Variants in TENM3 observed in about 807,000 individuals in gnomAD.
The protein encoded by TENM3 is teneurin transmembrane protein 3.
Under a neutral mutation model 255.1 loss-of-function variants are expected in TENM3, and 63 were observed. The observed-to-expected ratio is 0.25, with a 90% confidence interval of 0.20 to 0.30. The LOEUF (loss-of-function observed/expected upper bound fraction) is 0.30, where lower values mean the gene tolerates loss of function less well. Ranked by LOEUF, TENM3 falls within the 10% of genes least tolerant of loss-of-function variation. TENM3 has a pLI of 1.00. For missense variants in TENM3, 2,929 were observed against 3,461.1 expected, an observed-to-expected ratio of 0.85 and a Z score of 3.86; for synonymous variants, 1,306 against 1,322.3, an observed-to-expected ratio of 0.99 and a Z score of 0.27.
intron 5 of TENM3, among the ~76,000 whole-genome samples, chr4:182,648,262 G>A (rs918678550): frequency 2.7e-5 from 4 of 150,362 alleles, no homozygotes; most frequent in African/African-American, 9.7e-5. Flanking sequence ...AGCTATGCTG[G>A]GTGTTAGATG....
At chr4:181,649,029 A>G in the TENM3 span, among the ~76,000 whole-genome samples, 107 of 152,252 alleles carry the variant, frequency 7.0e-4, no homozygotes, top group African/African-American at 2.5e-3. Flanking sequence ...AAATATTGTT[A>G]TTATTATTAT....
rs545062246 is a variant in TENM3 at position 182,715,867 on chromosome 4, T to C, written c.2368+1634T>C. 1.2e-3 allele frequency among the ~76,000 whole-genome samples: 178 copies of C among 152,318 alleles called. 1 individual carries two copies. Among genetic ancestry groups the C allele is most frequent in the African/African-American group, 3.9e-3 (161 of 41,570 alleles). On this transcript the variant is annotated intron_variant, in intron 13 of 27. Transcript: ENST00000511685. ...CCGACAAGGTGCTGCAATTCTCTCCTTTAGTTTCTAGCAGACTGTTCACTG... is the reference window on the plus strand; with the variant it reads ...CCGACAAGGTGCTGCAATTCTCTCCCTTAGTTTCTAGCAGACTGTTCACTG...
At chr4:182,169,849 A>G (rs897713185) in intron 1 of TENM3, among the ~76,000 whole-genome samples, 4 of 152,044 alleles carry the variant, frequency 2.6e-5, no homozygotes, top group African/African-American at 9.7e-5. Context: ...GGTGGGAATG[A>G]ATACATCTGA....
At chr4:181,616,969 T>A in the TENM3 span, among the ~76,000 whole-genome samples, 1 of 152,168 alleles carries the variant, frequency 6.6e-6, no homozygotes, top group African/African-American at 2.4e-5. Flanking sequence ...GGGTAGCCCT[T>A]ATTCCAGTCA....
At chr4:182,240,457 C>A (rs1236509353), upstream of TENM3, among the ~76,000 whole-genome samples, 2 of 152,174 alleles carry the variant, frequency 1.3e-5, no homozygotes, top group South Asian at 2.1e-4. Context: ...GATCCCAGTC[C>A]CCTGTTAGGC....
At chr4:181,497,635 A>C in the TENM3 span, among the ~76,000 whole-genome samples, 1 of 152,192 alleles carries the variant, frequency 6.6e-6, no homozygotes, top group Non-Finnish European at 1.5e-5. Flanking sequence ...AAGAAAAAGG[A>C]ATCAGGAAAC....
the TENM3 span, among the ~76,000 whole-genome samples, chr4:182,064,859 A>G: frequency 2.6e-5 from 4 of 152,148 alleles, no homozygotes; most frequent in Non-Finnish European, 5.9e-5. Flanking sequence ...AACTCCCTAC[A>G]AAATTCCTTC....
intron 3 of TENM3, among the ~76,000 whole-genome samples, chr4:182,402,522 C>T (rs146320827): frequency 6.4e-4 from 98 of 152,256 alleles, no homozygotes; most frequent in Admixed American, 7.8e-4. Flanking sequence ...TAAACATGGG[C>T]ACATTCATGG....
At chr4:182,412,743 T>C (rs1770082065) in intron 3 of TENM3, among the ~76,000 whole-genome samples, 1 of 151,408 alleles carries the variant, frequency 6.6e-6, no homozygotes, top group Non-Finnish European at 1.5e-5. Context: ...CACTCACCTG[T>C]AGTCGCAGCT....
chr4:181,784,370 T>A, the TENM3 span, among the ~76,000 whole-genome samples: 1 of 152,066 alleles, frequency 6.6e-6, no homozygotes. Flanking sequence ...TAAAATATCT[T>A]AATTTACATT....
intron 1 of TENM3, among the ~76,000 whole-genome samples, chr4:182,229,107 T>C (rs1227898729): frequency 6.6e-6 from 1 of 152,218 alleles, no homozygotes; most frequent in African/African-American, 2.4e-5. Context: ...TCAGAAAATA[T>C]GCCGTTGAGA....
intron 16 of TENM3, among the ~76,000 whole-genome samples, chr4:182,735,937 G>A (rs896495679): frequency 2.0e-5 from 3 of 151,980 alleles, no homozygotes; most frequent in East Asian, 1.9e-4. Context: ...TTTTTAATTT[G>A]TAAAGGAGAT....
chr4:182,274,138 G>A (rs1347353475), intron 1 of TENM3, among the ~76,000 whole-genome samples: 1 of 152,214 alleles, frequency 6.6e-6, no homozygotes, highest in Non-Finnish European at 1.5e-5. Flanking sequence ...AGTAGAAAAT[G>A]CTAACATCAC....
At chr4:181,745,680 G>A in the TENM3 span, among the ~76,000 whole-genome samples, 48 of 152,242 alleles carry the variant, frequency 3.2e-4, 1 homozygote, top group Non-Finnish European at 4.4e-4. Context: ...TCACTTCTCC[G>A]TTTTATTTGT....
At position 182,246,584 on chromosome 4, in the gene TENM3, C is replaced by G. The variant is rs143239688; in HGVS notation, c.-76+3108C>G. Reference sequence around the variant, plus strand: ...TCCTTCTAAAATTCTGCAGCACGATCCCATCACGTAAGAATGTGTCTCGTC... The same window carrying G: ...TCCTTCTAAAATTCTGCAGCACGATGCCATCACGTAAGAATGTGTCTCGTC... On this transcript the variant is annotated intron_variant, in intron 1 of 27. Transcript: ENST00000511685. Among the ~76,000 whole-genome samples, 423 of 152,274 alleles carry G rather than the reference C, an allele frequency of 2.8e-3. 1 individual carries two copies. Among genetic ancestry groups the G allele is most frequent in the Non-Finnish European group, 4.5e-3 (306 of 68,028 alleles).
At chr4:182,057,290 A>AGAGAG in the TENM3 span, among the ~76,000 whole-genome samples, 1 of 149,326 alleles carries the variant, frequency 6.7e-6, no homozygotes, top group African/African-American at 2.5e-5. Context: ...AAATTTCTCA[A>AGAGAG]AGAGAGAGAG....
intron 1 of TENM3, among the ~76,000 whole-genome samples, chr4:182,223,024 T>C (rs1755936148): frequency 6.6e-6 from 1 of 152,064 alleles, no homozygotes; most frequent in Non-Finnish European, 1.5e-5. Context: ...TCTGCACAAA[T>C]AGGAAGCAGG....
chr4:181,810,223 T>G, the TENM3 span, among the ~76,000 whole-genome samples: 3 of 152,162 alleles, frequency 2.0e-5, no homozygotes, highest in Admixed American at 6.5e-5. Context: ...CTTTTTGTAC[T>G]TACCAGTTAT....
chr4:181,913,347 A>G, the TENM3 span, among the ~76,000 whole-genome samples: 1 of 152,194 alleles, frequency 6.6e-6, no homozygotes, highest in Middle Eastern at 3.2e-3. Context: ...CCGCCAAGTG[A>G]AAATAGCACT....
Sources: gnomAD v4.1 joint callset for allele counts (sites outside exome capture counted in the v4.1 genomes callset) on GRCh38, gnomAD v4.1.1 for gene constraint, MANE v1.5 for transcripts, NCBI Gene and HGNC (gene_info 2026-07-23, HGNC 2026-07-21) for gene names.